INPP5D: variants seen among roughly 807,000 people sequenced by gnomAD.
INPP5D encodes inositol polyphosphate-5-phosphatase D.
In INPP5D, 33 loss-of-function variants were observed where a neutral mutation model predicts 122.9. That is an observed-to-expected ratio of 0.27 (90% CI 0.20 to 0.36). INPP5D has a LOEUF of 0.36. Ranked by LOEUF, INPP5D falls within the 10% of genes least tolerant of loss-of-function variation. The pLI, the probability that INPP5D is intolerant of heterozygous loss-of-function variation, is 1.00. For synonymous variants in INPP5D, 584 were observed against 576.2 expected, an observed-to-expected ratio of 1.01 and a Z score of -0.19; for missense variants, 1,053 against 1,412.7, an observed-to-expected ratio of 0.75 and a Z score of 4.08.
chr2:233,068,709 A>G (rs6722679), intron 1 of INPP5D, among the ~76,000 whole-genome samples: 116,341 of 151,892 alleles, frequency 0.77, 45,994 homozygotes, highest in Non-Finnish European at 0.87. Flanking sequence ...AGAGGAGAGA[A>G]GAGAATGGGG....
At chr2:233,066,991 T>G (rs1007228065) in intron 1 of INPP5D, among the ~76,000 whole-genome samples, 2 of 152,194 alleles carry the variant, frequency 1.3e-5, no homozygotes, top group African/African-American at 4.8e-5. Context: ...TTGGCTAGGC[T>G]GGTCCCGAAC....
intron 2 of INPP5D, among the ~76,000 whole-genome samples, chr2:233,096,032 T>C (rs1692130690): frequency 6.6e-6 from 1 of 152,248 alleles, no homozygotes; most frequent in Admixed American, 6.5e-5. Context: ...TGAACGATAA[T>C]GGATGGATAC....
At chr2:233,115,972 C>T (rs935967141) in intron 2 of INPP5D, among the ~76,000 whole-genome samples, 2 of 152,132 alleles carry the variant, frequency 1.3e-5, no homozygotes, top group African/African-American at 4.8e-5. Context: ...GAGCTGTCTG[C>T]AGAGACTCTG....
chr2:233,107,703 C>G (rs1692503979), intron 2 of INPP5D, among the ~76,000 whole-genome samples: 1 of 152,096 alleles, frequency 6.6e-6, no homozygotes, highest in Non-Finnish European at 1.5e-5. Context: ...CCCTGGACAG[C>G]AAGGGCCTGG....
intron 17 of INPP5D, among the ~76,000 whole-genome samples, chr2:233,173,267 A>C (rs1391745952): frequency 6.6e-6 from 1 of 151,730 alleles, no homozygotes; most frequent in Non-Finnish European, 1.5e-5. Context: ...CCATGAATGA[A>C]GCTTGCAGGC....
At chr2:233,145,241 T>C (rs1476439587) in intron 6 of INPP5D, 2 of 456,122 alleles carry the variant, frequency 4.4e-6, no homozygotes, top group Non-Finnish European at 8.8e-6. Context: ...GTAGACAGGA[T>C]ACATGTCTTC....
intron 2 of INPP5D, among the ~76,000 whole-genome samples, chr2:233,098,668 C>A (rs940346242): frequency 6.6e-6 from 1 of 152,190 alleles, no homozygotes; most frequent in Non-Finnish European, 1.5e-5. Context: ...CCATTCCGCA[C>A]GCCCCTCTTA....
intron 2 of INPP5D, among the ~76,000 whole-genome samples, chr2:233,112,222 G>T (rs1195516311): frequency 6.6e-6 from 1 of 152,064 alleles, no homozygotes; most frequent in African/African-American, 2.4e-5. Flanking sequence ...TTATTAATTG[G>T]CATTCCACTG....
chr2:233,077,286 G>A (rs1373889553), intron 1 of INPP5D, among the ~76,000 whole-genome samples: 1 of 152,174 alleles, frequency 6.6e-6, no homozygotes, highest in Non-Finnish European at 1.5e-5. Context: ...TCATGGGAGT[G>A]GGGAAGGAGA....
chr2:233,119,673 A>G (rs1692914217), intron 2 of INPP5D, among the ~76,000 whole-genome samples: 1 of 152,168 alleles, frequency 6.6e-6, no homozygotes, highest in African/African-American at 2.4e-5. Flanking sequence ...AAAAAAACAC[A>G]CTTGGAAAGA....
intron 5 of INPP5D, among the ~76,000 whole-genome samples, chr2:233,137,889 TATATATATAC>T (rs1251498768): frequency 1.9e-5 from 1 of 53,250 alleles, no homozygotes; most frequent in African/African-American, 6.5e-5. Flanking sequence ...TATATATATA[TATATATATAC>T]ACACACACAC....
At chr2:233,093,726 C>T (rs537928795) in intron 2 of INPP5D, among the ~76,000 whole-genome samples, 13 of 151,332 alleles carry the variant, frequency 8.6e-5, no homozygotes, top group African/African-American at 2.9e-4. Context: ...ATCAAGTGTT[C>T]AATGAGGCAT....
chr2:233,175,875 T>G (rs1032847857), intron 17 of INPP5D, among the ~76,000 whole-genome samples: 1 of 151,960 alleles, frequency 6.6e-6, no homozygotes. Flanking sequence ...AGAGATGGGG[T>G]TTCGCCATGT....
At chr2:233,192,152 G>A (rs1310658136) in intron 22 of INPP5D, among the ~76,000 whole-genome samples, 7 of 152,202 alleles carry the variant, frequency 4.6e-5, no homozygotes, top group Non-Finnish European at 8.8e-5. Context: ...CCCTAATAGG[G>A]ATCCCCTCGT....
At chr2:233,123,062 A>G (rs1027160301) in intron 3 of INPP5D, among the ~76,000 whole-genome samples, 2 of 152,182 alleles carry the variant, frequency 1.3e-5, no homozygotes, top group Admixed American at 1.3e-4. Context: ...GTGAAGGAGG[A>G]GACCCTTGCA....
chr2:233,137,886 A>ATACATATATATG (rs1559313447), intron 5 of INPP5D, among the ~76,000 whole-genome samples: 1 of 52,058 alleles, frequency 1.9e-5, no homozygotes, highest in African/African-American at 4.7e-5. Context: ...ATATATATAT[A>ATACATATATATG]TATATATATA....
intron 1 of INPP5D, among the ~76,000 whole-genome samples, chr2:233,076,620 C>A (rs1232258757): frequency 6.6e-6 from 1 of 152,182 alleles, no homozygotes; most frequent in Non-Finnish European, 1.5e-5. Context: ...GCTTTAAAAA[C>A]AACCTGTTAA....
At chr2:233,135,708 G>A (rs1330038845) in intron 5 of INPP5D, among the ~76,000 whole-genome samples, 1 of 151,540 alleles carries the variant, frequency 6.6e-6, no homozygotes, top group African/African-American at 2.4e-5. Context: ...CCAAGAAAAA[G>A]GCTACTGACC....
intron 8 of INPP5D, 51 bp downstream of exon 8, chr2:233,146,489 A>C: frequency 2.8e-6 from 2 of 702,654 alleles, no homozygotes; most frequent in Non-Finnish European, 2.6e-6. Context: ...ACAGCTGGGC[A>C]GAGAGACATG....
Sources: allele counts gnomAD v4.1 joint callset (sites outside exome capture counted in the v4.1 genomes callset), GRCh38; gene constraint gnomAD v4.1.1; transcripts MANE v1.5; gene names NCBI Gene and HGNC (gene_info 2026-07-23, HGNC 2026-07-21).